Variants in PCSK9 observed in about 807,000 individuals in gnomAD.
PCSK9 encodes the protein proprotein convertase subtilisin/kexin type 9.
In PCSK9, 57 loss-of-function variants were observed where a neutral mutation model predicts 62.1. The ratio of observed to expected loss-of-function variants is 0.92; its 90% CI spans 0.74 to 1.14. PCSK9 has a LOEUF of 1.14. Among genes scored for constraint, PCSK9 ranks in the 50% most tolerant of loss-of-function variants. The probability of loss-of-function intolerance (pLI) is 0.00; values close to 1 mark genes in which losing one functional copy is unlikely to be tolerated. For missense variants in PCSK9, 870 were observed against 959.8 expected, an observed-to-expected ratio of 0.91 and a Z score of 1.24; for synonymous variants, 387 against 409.4, an observed-to-expected ratio of 0.95 and a Z score of 0.66.
At chr1:55,058,751 C>CCCTCCAT (rs1644736867) in intron 9 of PCSK9, 104 bp downstream of exon 9, 16 of 1,539,602 alleles carry the variant, frequency 1.0e-5, no homozygotes, top group Non-Finnish European at 1.3e-5. Flanking sequence ...CCCAGCAAGC[C>CCCTCCAT]CCTCCATCCT....
In PCSK9 at chr1:55,058,665, T is replaced by A; in HGVS notation, c.1503+18T>A. The A allele has an allele frequency of 6.3e-7, 1 of 1,575,990 alleles. No individual in the cohort carries two copies. Among genetic ancestry groups the A allele is most frequent in the South Asian group, 1.1e-5 (1 of 88,680 alleles). ...GCATGGAGGTGACTGTACCCCTCCT[T>A]CGTGTGTGTGTGTGTGTGTGTGTGT... On this transcript the variant is annotated intron_variant, in intron 9 of 11. Coordinates refer to ENST00000302118, the MANE Select transcript of PCSK9 (RefSeq NM_174936.4).
rs1214862819 is a variant in PCSK9, at chr1:55,051,284, T to G, written c.524-994T>G. ...GACCCTGGGGCAGGAGCAGTTTGAC[T>G]GACAGCCCAGAGGGCTGCCCTCTGA... On this transcript the variant is annotated intron_variant, in intron 3 of 11. Coordinates refer to ENST00000302118, the MANE Select transcript of PCSK9 (RefSeq NM_174936.4). The G allele has an allele frequency of 2.2e-5, 10 of 449,222 alleles. No individual in the cohort carries two copies. In the Admixed American group the frequency reaches 2.4e-4, roughly 11 times the overall value. The allele number at this position is 449,222 out of a possible 1,614,324, so 27.8% of individuals were successfully genotyped here.
At chr1:55,062,734 C>T (rs1405694117) in intron 11 of PCSK9, among the ~76,000 whole-genome samples, 2 of 152,158 alleles carry the variant, frequency 1.3e-5, no homozygotes, top group African/African-American at 2.4e-5. Flanking sequence ...TCAGAGGGGA[C>T]AGGGCCAAGT....
chr1:55,058,564 G>A lies in PCSK9; in HGVS notation c.1420G>A (p.Val474Ile), dbSNP rs562556. 0.83 allele frequency: 1,342,914 copies of A among 1,611,942 alleles called. 560,455 individuals are homozygous for A. The highest frequency in any genetic ancestry group is 0.98 in the East Asian group (43,955 of 44,856). ...GGGGCCTACACGGATGGCCACAGCC[G>A]TCGCCCGCTGCGCCCCAGATGAGGA... ...HSGPTRMATAVARCAPDEELL... is the reference protein window; with the variant it reads ...HSGPTRMATAIARCAPDEELL... Residue 474 changes from valine (V) to isoleucine (I), a missense_variant, in exon 9 of 12, where the codon GTC becomes ATC. Transcript: ENST00000302118.
chr1:55,043,749 T>C, intron 1 of PCSK9, 94 bp from the exon 2 acceptor site: 1 of 1,409,582 alleles, frequency 7.1e-7, no homozygotes, highest in Non-Finnish European at 9.9e-7. Context: ...TTGTGTCTCT[T>C]TTGTTGTAAT....
At chr1:55,053,773 C>T (rs1250316325) in intron 5 of PCSK9, among the ~76,000 whole-genome samples, 3 of 152,218 alleles carry the variant, frequency 2.0e-5, no homozygotes, top group African/African-American at 7.2e-5. Flanking sequence ...ACCCCTTGTG[C>T]CTGTCCCACC....
Position 55,063,664 on chromosome 1 carries a change from C to A in PCSK9, c.*80C>A. 1 of 1,456,280 alleles carries A rather than the reference C, an allele frequency of 6.9e-7. No homozygotes were observed. The allele number at this position is 1,456,280 out of a possible 1,614,324, so 90.2% of individuals were successfully genotyped here. ...TAAAATGGTTCCGACTTGTCCCTCT[C>A]TCAGCCCTCCATGGCCTGGCACGAG... On this transcript the variant is annotated 3_prime_UTR_variant, in exon 12 of 12. Coordinates refer to ENST00000302118, the MANE Select transcript of PCSK9 (RefSeq NM_174936.4).
chr1:55,052,932 G>A (rs1644687018), intron 5 of PCSK9, 141 bp downstream of exon 5: 2 of 1,426,636 alleles, frequency 1.4e-6, no homozygotes, highest in Admixed American at 2.0e-5. Context: ...GAACCAGAGT[G>A]CCAAGGCTGG....
chr1:55,040,902 C>T lies in PCSK9; in HGVS notation c.207+858C>T, dbSNP rs1454736480. 6.6e-6 allele frequency among the ~76,000 whole-genome samples: 1 copy of T among 152,208 alleles called. No individual in the cohort carries two copies. Among genetic ancestry groups the T allele is most frequent in the East Asian group, 1.9e-4 (1 of 5,182 alleles). On this transcript the variant is annotated intron_variant, in intron 1 of 11. Transcript: ENST00000302118. This position sits in a 1 kb window ranked among gnomAD's most constrained non-coding sequence, Gnocchi z 4.1. The stretch of plus-strand genomic sequence containing the variant: ...GGCTGTGGGAAGCTTCTTCCCGGGG[C>T]GAGACCACTAGCTTTTTCTAAGTAT...
At chr1:55,058,706 T>C (rs1292432919) in intron 9 of PCSK9, 59 bp downstream of exon 9, 17 of 1,454,758 alleles carry the variant, frequency 1.2e-5, no homozygotes, top group Non-Finnish European at 1.5e-5. Flanking sequence ...TGTGTGTGTG[T>C]GTGTGTGTGT....
intron 10 of PCSK9, among the ~76,000 whole-genome samples, chr1:55,060,697 C>T (rs1644753052): frequency 6.6e-6 from 1 of 152,142 alleles, no homozygotes. Context: ...TCAAAGAGCA[C>T]CATTTTGCAG....
In PCSK9 at chr1:55,052,307, C is replaced by T; in HGVS notation, c.553C>T (p.Leu185=). The T allele has an allele frequency of 6.2e-7, 1 of 1,614,032 alleles. No homozygotes were observed. The highest frequency in any genetic ancestry group is 8.5e-7 in the Non-Finnish European group (1 of 1,180,016). ...AGGCAGCCTGGTGGAGGTGTATCTCCTAGACACCAGCATACAGAGTGACCA... is the reference window on the plus strand; with the variant it reads ...AGGCAGCCTGGTGGAGGTGTATCTCTTAGACACCAGCATACAGAGTGACCA... The part of the protein sequence containing the change: ...DGGSLVEVYL[L]DTSIQSDHRE... The change falls in exon 4 of 12, where the codon CTA becomes TTA. Residue 185 remains leucine, a synonymous_variant. Coordinates refer to ENST00000302118, the MANE Select transcript of PCSK9 (RefSeq NM_174936.4).
chr1:55,040,708 G>T lies in PCSK9; in HGVS notation c.207+664G>T, dbSNP rs1183359304. ...GCGGAGGTATTCTCGAGGCCCATTG[G>T]CGTCCTTTAGGACTCAGGCAGGGAA... On this transcript the variant is annotated intron_variant, in intron 1 of 11. Coordinates refer to ENST00000302118, the MANE Select transcript of PCSK9 (RefSeq NM_174936.4). This position sits in a 1 kb window ranked among gnomAD's most constrained non-coding sequence, Gnocchi z 4.1. Among the ~76,000 whole-genome samples the T allele has an allele frequency of 6.6e-6, 1 of 152,244 alleles. No homozygotes were observed. Among genetic ancestry groups the T allele is most frequent in the Non-Finnish European group, 1.5e-5 (1 of 68,048 alleles).
intron 5 of PCSK9, among the ~76,000 whole-genome samples, chr1:55,054,861 C>T (rs28362249): frequency 1.4e-4 from 21 of 152,134 alleles, no homozygotes; most frequent in African/African-American, 4.3e-4. Context: ...AAAAATTAGC[C>T]GGGCGTGGTG....
intron 5 of PCSK9, 59 bp downstream of exon 5, chr1:55,052,850 T>C (rs1194638979): frequency 5.0e-5 from 80 of 1,611,514 alleles, no homozygotes; most frequent in Non-Finnish European, 6.8e-5. Context: ...GGGAGGTGGC[T>C]TGGGCTGGGC....
chr1:55,054,969 C>T (rs2100307323), intron 5 of PCSK9, among the ~76,000 whole-genome samples: 1 of 151,462 alleles, frequency 6.6e-6, no homozygotes, highest in South Asian at 2.1e-4. Context: ...TGCGCCACTG[C>T]ACTCCAGCCT....
chr1:55,056,290 T>G, intron 6 of PCSK9, 101 bp downstream of exon 6: 2 of 1,245,644 alleles, frequency 1.6e-6, no homozygotes, highest in Non-Finnish European at 2.1e-6. Context: ...GCACGTGGGC[T>G]TCTTGTGGCA....
chr1:55,058,625 A>G lies in PCSK9; in HGVS notation c.1481A>G (p.Lys494Arg), dbSNP rs1557507226. The G allele has an allele frequency of 1.2e-6, 2 of 1,610,614 alleles. No homozygotes were observed. Among genetic ancestry groups the G allele is most frequent in the South Asian group, 1.1e-5 (1 of 90,956 alleles). The change falls in exon 9 of 12, where the codon AAG becomes AGG. Residue 494 changes from lysine to arginine, a missense_variant. Transcript: ENST00000302118. ...LSCSSFSRSG[K>R]RRGERMEAQG... ...TGCTCCAGTTTCTCCAGGAGTGGGA[A>G]GCGGCGGGGCGAGCGCATGGAGGTG...
chr1:55,042,670 G>C (rs528201725), intron 1 of PCSK9, among the ~76,000 whole-genome samples: 2 of 152,214 alleles, frequency 1.3e-5, no homozygotes, highest in African/African-American at 4.8e-5. Context: ...TCATGAGGCT[G>C]TGGGGAGCCA....
Sources: gnomAD v4.1 joint callset for allele counts (sites outside exome capture counted in the v4.1 genomes callset) on GRCh38, gnomAD v4.1.1 for gene constraint, Gnocchi (gnomAD v3.1) non-coding constraint, MANE v1.5 for transcripts, NCBI Gene and HGNC (gene_info 2026-07-23, HGNC 2026-07-21) for gene names.